The following ADRA1A variants were observed in gnomAD, a reference collection of about 807,000 sequenced individuals.
ADRA1A encodes adrenoceptor alpha 1A.
A neutral mutation model predicts 29.6 loss-of-function variants in ADRA1A; 31 were observed. The observed-to-expected ratio is 1.05, with a 90% CI of 0.79 to 1.41. ADRA1A has a LOEUF of 1.41. Ranked by LOEUF, ADRA1A falls within the 40% of genes most tolerant of loss-of-function variation. The pLI is 0.00. For synonymous variants in ADRA1A, 311 were observed against 254.3 expected (o/e 1.22, Z -2.12); for missense variants, 619 against 601.1 (o/e 1.03, Z -0.31).
chr8:26,812,994 A>T (rs558419210), intron 2 of ADRA1A, among the ~76,000 whole-genome samples: 5 of 151,894 alleles, frequency 3.3e-5, no homozygotes, highest in East Asian at 1.9e-4. Flanking sequence ...TTAATTTTTT[A>T]AAAATGCTGA....
At chr8:26,845,019 G>A (rs562845675) in intron 2 of ADRA1A, among the ~76,000 whole-genome samples, 2 of 152,324 alleles carry the variant, frequency 1.3e-5, no homozygotes, top group East Asian at 1.9e-4. Flanking sequence ...GGTTGGACAA[G>A]CTTGAATTAG....
At chr8:26,832,695 C>T (rs989232788) in intron 2 of ADRA1A, among the ~76,000 whole-genome samples, 43 of 152,126 alleles carry the variant, frequency 2.8e-4, no homozygotes, top group African/African-American at 1.0e-3. Flanking sequence ...GACTGAGAAA[C>T]AGGCTCTGGG....
At chr8:26,834,932 G>T (rs1316794719) in intron 2 of ADRA1A, among the ~76,000 whole-genome samples, 1 of 151,960 alleles carries the variant, frequency 6.6e-6, no homozygotes, top group Non-Finnish European at 1.5e-5. Context: ...TCGTGTAAAG[G>T]GCCAGTTTTT....
In ADRA1A at chr8:26,787,427, T is replaced by C. The variant is rs1386066049; in HGVS notation, c.884-16761A>G. Among the ~76,000 whole-genome samples, 1 of 152,192 alleles carries C rather than the reference T, an allele frequency of 6.6e-6. No individual in the cohort carries two copies. Among genetic ancestry groups the C allele is most frequent in the African/African-American group, 2.4e-5 (1 of 41,444 alleles). ...AAACCCACACATACTATATTCTGTC[T>C]GAAAAGACTTTGACAAAATGCAACT... On this transcript the variant is annotated intron_variant, in intron 2 of 2. Transcript: ENST00000380573. The surrounding 1 kb of genome is among the most constrained non-coding windows in gnomAD (Gnocchi z 4.2).
At chr8:26,779,425 C>T (rs1806793030) in intron 2 of ADRA1A, 2 of 702,144 alleles carry the variant, frequency 2.8e-6, no homozygotes, top group Non-Finnish European at 5.2e-6. Context: ...GCCTCAGTTT[C>T]CTCATCTGTA....
At chr8:26,833,606 T>C (rs1441886503) in intron 2 of ADRA1A, among the ~76,000 whole-genome samples, 2 of 152,224 alleles carry the variant, frequency 1.3e-5, no homozygotes, top group African/African-American at 2.4e-5. Flanking sequence ...GTAAAACATG[T>C]AGGAACCTGA....
chr8:26,767,007 GAA>G (rs1314641967), downstream of ADRA1A, among the ~76,000 whole-genome samples: 1 of 152,146 alleles, frequency 6.6e-6, no homozygotes, highest in African/African-American at 2.4e-5. Context: ...GCAAAGGAAA[GAA>G]AACTGATGAG....
At chr8:26,803,022 T>A (rs1169869020) in intron 2 of ADRA1A, among the ~76,000 whole-genome samples, 1 of 152,066 alleles carries the variant, frequency 6.6e-6, no homozygotes, top group East Asian at 1.9e-4. Context: ...AGCTCAAAAT[T>A]AAAACAATCT....
rs1043343678 is a variant in ADRA1A, at chr8:26,825,828, T to C, written c.883+38259A>G. Among the ~76,000 whole-genome samples the C allele has an allele frequency of 2.0e-5, 3 of 152,242 alleles. No homozygotes were observed. The highest frequency in any genetic ancestry group is 7.2e-5 in the African/African-American group (3 of 41,466). On this transcript the variant is annotated intron_variant, in intron 2 of 2. Coordinates refer to ENST00000380573, the MANE Select transcript of ADRA1A (RefSeq NM_000680.4). This position sits in a 1 kb window ranked among gnomAD's most constrained non-coding sequence, Gnocchi z 5.7. ...GGCACAGTGTTGATTGCCTGTTTGA[T>C]ACCTGCTTAAAACAGAAAATCGACT... is the stretch of plus-strand genomic sequence containing the variant.
intron 2 of ADRA1A, among the ~76,000 whole-genome samples, chr8:26,798,794 C>G (rs1425136554): frequency 1.3e-5 from 2 of 152,190 alleles, no homozygotes; most frequent in Admixed American, 6.5e-5. Context: ...AAACACCACT[C>G]ACCTACCACC....
chr8:26,834,420 G>T (rs187615645), intron 2 of ADRA1A, among the ~76,000 whole-genome samples: 22 of 152,256 alleles, frequency 1.4e-4, no homozygotes, highest in African/African-American at 5.3e-4. Flanking sequence ...GTGGAAAGGG[G>T]GAGCTTTTCC....
intron 2 of ADRA1A, among the ~76,000 whole-genome samples, chr8:26,842,866 TACACACAC>T (rs57750998): frequency 0.022 from 3,185 of 142,686 alleles, 98 homozygotes; most frequent in African/African-American, 0.07. Flanking sequence ...TCTCTCTTTC[TACACACAC>T]ACACACACAC....
intron 2 of ADRA1A, among the ~76,000 whole-genome samples, chr8:26,837,696 G>A (rs1481475233): frequency 6.6e-6 from 1 of 151,446 alleles, no homozygotes; most frequent in Admixed American, 6.6e-5. Flanking sequence ...TAGATAGCCT[G>A]AGGCCTAACC....
chr8:26,837,686 T>C (rs1444733829), intron 2 of ADRA1A, among the ~76,000 whole-genome samples: 1 of 149,818 alleles, frequency 6.7e-6, no homozygotes, highest in Non-Finnish European at 1.5e-5. Context: ...GCCATTGGGC[T>C]AGATAGCCTG....
At chr8:26,819,796 A>G (rs952445691) in intron 2 of ADRA1A, among the ~76,000 whole-genome samples, 1 of 152,234 alleles carries the variant, frequency 6.6e-6, no homozygotes, top group South Asian at 2.1e-4. Context: ...AAATTCTTCA[A>G]TAAAAAGACA....
chr8:26,864,020 T>C lies in ADRA1A; in HGVS notation c.883+67A>G. On this transcript the variant is annotated intron_variant, in intron 2 of 2. Transcript: ENST00000380573. This position sits in a 1 kb window ranked among gnomAD's most constrained non-coding sequence, Gnocchi z 8.1. The stretch of plus-strand genomic sequence containing the variant: ...CCTCTTCCATCCCGGACTGGGAGTC[T>C]GGGGTAACAGAAGCCGAGGAGGGTG... 6.7e-7 allele frequency: 1 copy of C among 1,491,998 alleles called. No homozygotes were observed. The highest frequency in any genetic ancestry group is 9.1e-7 in the Non-Finnish European group (1 of 1,103,264). The allele number at this position is 1,491,998 out of a possible 1,614,324, so 92.4% of individuals were successfully genotyped here.
chr8:26,755,568 A>T (rs552428155), downstream of ADRA1A, among the ~76,000 whole-genome samples: 39 of 152,240 alleles, frequency 2.6e-4, no homozygotes, highest in African/African-American at 9.1e-4. Context: ...CTTGGCACAG[A>T]TTCCTCCCTT....
At chr8:26,763,570 C>T (rs1444540524), downstream of ADRA1A, among the ~76,000 whole-genome samples, 13 of 152,138 alleles carry the variant, frequency 8.5e-5, no homozygotes, top group Non-Finnish European at 1.9e-4. This position sits in a 1 kb window ranked among gnomAD's most constrained non-coding sequence, Gnocchi z 4.5. Flanking sequence ...TGAATATGGA[C>T]TTGCCACTTT....
At chr8:26,756,761 A>G (rs1412936746) in exon 3 of ADRA1A, 2 of 1,614,106 alleles carry the variant, frequency 1.2e-6, no homozygotes, top group East Asian at 2.2e-5. Context: ...AGCTGGCTTC[A>G]TGTCATGGGT....
Sources: gnomAD v4.1 joint callset for allele counts (sites outside exome capture counted in the v4.1 genomes callset) on GRCh38, gnomAD v4.1.1 for gene constraint, Gnocchi (gnomAD v3.1) non-coding constraint, MANE v1.5 for transcripts, NCBI Gene and HGNC (gene_info 2026-07-23, HGNC 2026-07-21) for gene names.